Variants in DENND4A observed in about 807,000 individuals in gnomAD.
DENND4A encodes the protein C-myc promoter-binding protein.
Under a neutral mutation model 199.3 loss-of-function variants are expected in DENND4A, and 70 were observed. The observed-to-expected ratio is 0.35, with a 90% CI of 0.29 to 0.43. The LOEUF (loss-of-function observed/expected upper bound fraction) is 0.43. Ranked by LOEUF, DENND4A falls within the 20% of genes least tolerant of loss-of-function variation. The probability of loss-of-function intolerance (pLI) is 1.00; values close to 1 mark genes in which losing one functional copy is unlikely to be tolerated. For synonymous variants in DENND4A, 686 were observed against 766.9 expected (o/e 0.89, Z 1.74); for missense variants, 1,723 against 2,255.8 (o/e 0.76, Z 4.78).
chr15:65,779,646 G>C (rs1309613916), intron 1 of DENND4A, among the ~76,000 whole-genome samples: 1 of 150,666 alleles, frequency 6.6e-6, no homozygotes, highest in Admixed American at 6.6e-5. Flanking sequence ...GGCTAGCTAG[G>C]TGGTGTTTTT....
chr15:65,764,502 G>A (rs1161934692), intron 1 of DENND4A, among the ~76,000 whole-genome samples: 1 of 152,092 alleles, frequency 6.6e-6, no homozygotes, highest in African/African-American at 2.4e-5. Context: ...GTGGAGGCAT[G>A]TGCCTGTAAT....
At chr15:65,678,849 C>A (rs2141960071) in intron 23 of DENND4A, among the ~76,000 whole-genome samples, 1 of 152,134 alleles carries the variant, frequency 6.6e-6, no homozygotes, top group South Asian at 2.1e-4. Context: ...ACCACCATGA[C>A]TGGCTAATTT....
rs542350407 is a variant in DENND4A, at chr15:65,787,649, C to T, written c.-102+4361G>A. Among the ~76,000 whole-genome samples, 13 of 152,258 alleles carry T rather than the reference C, an allele frequency of 8.5e-5. No individual in the cohort carries two copies. In the East Asian group the frequency reaches 2.3e-3, roughly 27 times the overall value. On this transcript the variant is annotated intron_variant, in intron 1 of 32. Transcript: ENST00000443035. ...TTATTTGTAAATTTTTTGTCTAGAA[C>T]TCACAGCATACCTTCCCATGAAGAA...
At chr15:65,676,408 A>C in intron 24 of DENND4A, 37 bp downstream of exon 24, 1 of 1,436,774 alleles carries the variant, frequency 7.0e-7, no homozygotes, top group Non-Finnish European at 9.3e-7. Context: ...ATGAAACTAC[A>C]AATCAAATGC....
chr15:65,703,331 C>T (rs1372430133), intron 15 of DENND4A, among the ~76,000 whole-genome samples: 1 of 152,206 alleles, frequency 6.6e-6, no homozygotes, highest in Non-Finnish European at 1.5e-5. Flanking sequence ...ACATAGCAAA[C>T]ATATTAGATA....
rs1436701675 is a variant in DENND4A, at chr15:65,706,491, C to T, written c.1954-267G>A. On this transcript the variant is annotated intron_variant, in intron 14 of 32. Coordinates refer to ENST00000443035, the MANE Select transcript of DENND4A (RefSeq NM_001320835.1). ...ACACACACACACACACACACACACACACACATATATATATATATTTTTTTT... is the reference window on the plus strand; with the variant it reads ...ACACACACACACACACACACACACATACACATATATATATATATTTTTTTT... 6.7e-3 allele frequency among the ~76,000 whole-genome samples: 572 copies of T among 85,938 alleles called. 4 individuals carry two copies. The highest frequency in any genetic ancestry group is 0.021 in the East Asian group (21 of 990). 56.4% of individuals were successfully genotyped at this position (85,938 alleles called of 152,430 possible).
intron 7 of DENND4A, 59 bp downstream of exon 7, chr15:65,737,648 C>T (rs777303546): frequency 2.4e-5 from 36 of 1,496,176 alleles, no homozygotes; most frequent in Non-Finnish European, 2.9e-5. Flanking sequence ...GTTGCCGACA[C>T]AAATTTGCCA....
intron 20 of DENND4A, among the ~76,000 whole-genome samples, chr15:65,700,235 A>G (rs1401542855): frequency 6.6e-6 from 1 of 152,040 alleles, no homozygotes; most frequent in African/African-American, 2.4e-5. Context: ...CATAATTTCA[A>G]AGAATTTATT....
At chr15:65,784,220 A>G (rs1656693860) in intron 1 of DENND4A, among the ~76,000 whole-genome samples, 1 of 152,192 alleles carries the variant, frequency 6.6e-6, no homozygotes, top group Non-Finnish European at 1.5e-5. Context: ...ATCAAAAACA[A>G]GGAAAGTCTG....
intron 4 of DENND4A, among the ~76,000 whole-genome samples, chr15:65,749,671 C>T (rs1315765489): frequency 6.6e-6 from 1 of 151,676 alleles, no homozygotes; most frequent in Non-Finnish European, 1.5e-5. Context: ...TTATCAACCT[C>T]CACAATAAGC....
At chr15:65,675,383 T>C (rs2076342211) in intron 24 of DENND4A, among the ~76,000 whole-genome samples, 2 of 152,106 alleles carry the variant, frequency 1.3e-5, no homozygotes, top group Non-Finnish European at 2.9e-5. Flanking sequence ...AAAAACCTTT[T>C]CTAGCAACTC....
At chr15:65,665,166 T>A (rs1596378850) in intron 30 of DENND4A, 179 bp downstream of exon 30, 1 of 528,936 alleles carries the variant, frequency 1.9e-6, no homozygotes, top group African/African-American at 2.0e-5. Context: ...TAGACCTCCA[T>A]AGAAGGTAGC....
chr15:65,720,215 C>T (rs2075568519), intron 12 of DENND4A, among the ~76,000 whole-genome samples: 1 of 152,034 alleles, frequency 6.6e-6, no homozygotes, highest in African/African-American at 2.4e-5. Context: ...AAAGAATGTA[C>T]TGGGTAGGAA....
At chr15:65,693,653 C>T (rs1390790628) in intron 22 of DENND4A, among the ~76,000 whole-genome samples, 1 of 151,592 alleles carries the variant, frequency 6.6e-6, no homozygotes, top group South Asian at 2.1e-4. Flanking sequence ...TTATTTTCCA[C>T]TCATATTTGA....
chr15:65,745,151 C>A (rs2076356523), intron 4 of DENND4A, among the ~76,000 whole-genome samples: 1 of 152,116 alleles, frequency 6.6e-6, no homozygotes, highest in South Asian at 2.1e-4. Context: ...CAAGAAATGA[C>A]AATCTCCTGA....
At chr15:65,686,636 A>G (rs1270097472) in intron 23 of DENND4A, among the ~76,000 whole-genome samples, 4 of 152,166 alleles carry the variant, frequency 2.6e-5, no homozygotes, top group Non-Finnish European at 5.9e-5. Flanking sequence ...GGACTCAAGC[A>G]ATCCAGACCT....
At chr15:65,738,985 T>C (rs2140454889) in intron 5 of DENND4A, 110 bp from the exon 6 acceptor site, 1 of 792,590 alleles carries the variant, frequency 1.3e-6, no homozygotes, top group Non-Finnish European at 1.9e-6. Flanking sequence ...TGCCAAAGCA[T>C]TATATATATG....
intron 14 of DENND4A, among the ~76,000 whole-genome samples, chr15:65,706,447 A>AACACACAC (rs77421887): frequency 5.7e-4 from 74 of 130,314 alleles, no homozygotes; most frequent in Non-Finnish European, 8.8e-4. Flanking sequence ...AGGGGAAAAT[A>AACACACAC]ACACACACAC....
chr15:65,699,624 T>A (rs1221754914), intron 20 of DENND4A, among the ~76,000 whole-genome samples: 2 of 148,966 alleles, frequency 1.3e-5, no homozygotes, highest in Non-Finnish European at 3.0e-5. Context: ...ACACATGTTA[T>A]ACATATACTA....
Sources: gnomAD v4.1 joint callset for allele counts (sites outside exome capture counted in the v4.1 genomes callset) on GRCh38, gnomAD v4.1.1 for gene constraint, MANE v1.5 for transcripts, NCBI Gene and HGNC (gene_info 2026-07-23, HGNC 2026-07-21) for gene names.